TNC: variants seen among roughly 807,000 people sequenced by gnomAD.
TNC encodes the protein tenascin.
A neutral mutation model predicts 202.4 loss-of-function variants in TNC; 109 were observed. That is an observed-to-expected ratio of 0.54 (90% CI 0.46 to 0.63). TNC has a LOEUF of 0.63. Ranked by LOEUF, TNC falls within the 30% of genes least tolerant of loss-of-function variation. The probability of loss-of-function intolerance (pLI) is 0.00; values close to 1 mark genes in which losing one functional copy is unlikely to be tolerated. For synonymous variants in TNC, 1,007 were observed against 1,089.7 expected, an observed-to-expected ratio of 0.92 and a Z score of 1.50; for missense variants, 2,756 against 2,833.3, an observed-to-expected ratio of 0.97 and a Z score of 0.62.
intron 26 of TNC, among the ~76,000 whole-genome samples, chr9:115,025,822 C>T (rs1281300934): frequency 6.6e-6 from 1 of 152,148 alleles, no homozygotes; most frequent in Admixed American, 6.5e-5. Flanking sequence ...TTATGTGGAG[C>T]CAGGAAACCA....
Position 115,082,709 on chromosome 9 carries a change from T to C in TNC, c.2230A>G (p.Ile744Val), listed in dbSNP as rs1834393910. The change falls in exon 5 of 28, where the codon ATC becomes GTC. Residue 744 changes from isoleucine to valine, a missense_variant. Transcript: ENST00000350763. ...CTCCTTACCATATTCCGGAAGATGATCTCCCAGGTTTCAAAAGCAATGTCT... is the reference window on the plus strand; with the variant it reads ...CTCCTTACCATATTCCGGAAGATGACCTCCCAGGTTTCAAAAGCAATGTCT... Reference protein sequence around the residue: ...PLDIAFETWEIIFRNMNKEDE... With the variant: ...PLDIAFETWEVIFRNMNKEDE... 6.2e-7 allele frequency: 1 copy of C among 1,611,586 alleles called. No homozygotes were observed. Among genetic ancestry groups the C allele is most frequent in the Non-Finnish European group, 8.5e-7 (1 of 1,177,782 alleles).
At position 115,042,246 on chromosome 9, in the gene TNC, G is replaced by A. The variant is rs373352186; in HGVS notation, c.5221C>T (p.Arg1741Trp). ...RAPTAQVESF[R>W]ITYVPITGGT... Reference sequence around the variant, plus strand: ...CCTGTAATGGGCACATAGGTAATCCGGAAGCTCTCCACTTGGGCTGTGGGT... The same window carrying A: ...CCTGTAATGGGCACATAGGTAATCCAGAAGCTCTCCACTTGGGCTGTGGGT... The change falls in exon 18 of 28, where the codon CGG becomes TGG. Residue 1741 changes from arginine (R) to tryptophan (W), a missense_variant. By Grantham distance (101) the Arg-to-Trp change is moderately radical. This residue lies in a region of TNC where 2,559 missense variants were observed against 2,546.0 expected (regional missense o/e 1.01). Coordinates refer to ENST00000350763, the MANE Select transcript of TNC (RefSeq NM_002160.4). 4.3e-5 allele frequency: 69 copies of A among 1,613,886 alleles called. No individual in the cohort carries two copies. The highest frequency in any genetic ancestry group is 5.3e-5 in the African/African-American group (4 of 74,878).
chr9:115,089,947 T>C (rs1369810169), intron 2 of TNC, among the ~76,000 whole-genome samples: 1 of 152,252 alleles, frequency 6.6e-6, no homozygotes, highest in Non-Finnish European at 1.5e-5. Context: ...TTAAATGAGA[T>C]AATACAACAG....
intron 1 of TNC, among the ~76,000 whole-genome samples, chr9:115,091,890 A>C (rs973292989): frequency 1.3e-5 from 2 of 152,246 alleles, no homozygotes; most frequent in African/African-American, 4.8e-5. Flanking sequence ...AGAGCCTGAC[A>C]GAATATTCTT....
chr9:115,054,218 T>C (rs1245769484), intron 15 of TNC, among the ~76,000 whole-genome samples: 1 of 152,176 alleles, frequency 6.6e-6, no homozygotes, highest in African/African-American at 2.4e-5. Context: ...AAGGGGCTCA[T>C]TTGGATAAAC....
Position 115,086,639 on chromosome 9 carries a change from A to G in TNC, c.1092T>C (p.Asp364=). 2 of 1,614,142 alleles carry G rather than the reference A, an allele frequency of 1.2e-6. No homozygotes were observed. Among genetic ancestry groups the G allele is most frequent in the Non-Finnish European group, 1.7e-6 (2 of 1,180,030 alleles). ...TGCAGTCCACACCGGCAAAGCCCTCATCACATACACACTGCCCCTCCTCAC... is the reference window on the plus strand; with the variant it reads ...TGCAGTCCACACCGGCAAAGCCCTCGTCACATACACACTGCCCCTCCTCAC... ...GRCEEGQCVC[D]EGFAGVDCSE... The change falls in exon 3 of 28, where the codon GAT becomes GAC. Residue 364 remains aspartate (D), a synonymous_variant. Transcript: ENST00000350763.
chr9:115,072,465 T>C (rs1833536203), intron 10 of TNC, among the ~76,000 whole-genome samples: 1 of 152,260 alleles, frequency 6.6e-6, no homozygotes, highest in Admixed American at 6.5e-5. Context: ...GATTTGAGAC[T>C]GAAGATATTG....
chr9:115,112,788 T>TAACTGTA (rs1837179318), intron 1 of TNC: 1 of 152,424 alleles, frequency 6.6e-6, no homozygotes, highest in Non-Finnish European at 1.5e-5. Context: ...ATTCTTGACC[T>TAACTGTA]CAGTGGTGTA....
At chr9:115,067,348 T>C (rs1421231314) in intron 10 of TNC, among the ~76,000 whole-genome samples, 1 of 110,492 alleles carries the variant, frequency 9.1e-6, no homozygotes, top group Non-Finnish European at 1.8e-5. Context: ...TTTCCTGTTT[T>C]TGTTTCTCTG....
rs370380158 is a variant in TNC, at chr9:115,090,951, C to A, written c.68G>T (p.Gly23Val). The A allele has an allele frequency of 3.7e-6, 6 of 1,614,036 alleles. No homozygotes were observed. The African/African-American group carries it at 8.0e-5, about 22-fold the overall frequency. ...GTGCCGGATGACTTTCTTGAGGACCCCACCTTCGGTAGCGAGGGCAAGGAA... is the reference window on the plus strand; with the variant it reads ...GTGCCGGATGACTTTCTTGAGGACCACACCTTCGGTAGCGAGGGCAAGGAA... ...LAFLALATEG[G>V]VLKKVIRHKR... The change falls in exon 2 of 28, where the codon GGG (glycine) becomes GTG (valine). Residue 23 changes from glycine to valine, a missense_variant. This residue lies in a region of TNC where 2,559 missense variants were observed against 2,546.0 expected (regional missense o/e 1.01). Transcript: ENST00000350763.
chr9:115,093,213 TTAAC>T (rs1268043132), intron 1 of TNC, among the ~76,000 whole-genome samples: 1 of 152,122 alleles, frequency 6.6e-6, no homozygotes, highest in African/African-American at 2.4e-5. Flanking sequence ...ACTAGTGAAT[TTAAC>T]TAAGAAGGTC....
At chr9:115,028,924 G>GAAAAAAAAAAAAAA (rs57737243) in intron 25 of TNC, among the ~76,000 whole-genome samples, 2 of 63,964 alleles carry the variant, frequency 3.1e-5, no homozygotes, top group African/African-American at 1.3e-4. Flanking sequence ...CATTATCTCT[G>GAAAAAAAAAAAAAA]AAAAAAAAAA....
chr9:115,047,420 A>G (rs994993421), intron 16 of TNC, among the ~76,000 whole-genome samples: 1 of 152,084 alleles, frequency 6.6e-6, no homozygotes, highest in African/African-American at 2.4e-5. Context: ...GAGTTTCCCA[A>G]AGTGTGCTCA....
Position 115,059,934 on chromosome 9 carries a change from T to C in TNC, c.4102A>G (p.Thr1368Ala), listed in dbSNP as rs1040160691. The C allele has an allele frequency of 1.2e-6, 2 of 1,613,954 alleles. No homozygotes were observed. Among genetic ancestry groups the C allele is most frequent in the Non-Finnish European group, 1.7e-6 (2 of 1,179,988 alleles). Reference sequence around the variant, plus strand: ...TGCTCATAGGCATTGTCAGCTGCGGTCCAGTTGAGTCTGAGGCCATCCCAG... The same window carrying C: ...TGCTCATAGGCATTGTCAGCTGCGGCCCAGTTGAGTCTGAGGCCATCCCAG... Reference protein sequence around the residue: ...VGWDGLRLNWTAADNAYEHFV... With the variant: ...VGWDGLRLNWAAADNAYEHFV... The change falls in exon 14 of 28, where the codon ACC (threonine) becomes GCC (alanine). Residue 1368 changes from threonine (T) to alanine (A), a missense_variant. Thr to Ala is a moderately conservative substitution (Grantham distance 58, BLOSUM62 0). Coordinates refer to ENST00000350763, the MANE Select transcript of TNC (RefSeq NM_002160.4).
chr9:115,094,276 G>T (rs552075560), intron 1 of TNC, among the ~76,000 whole-genome samples: 1 of 152,218 alleles, frequency 6.6e-6, no homozygotes, highest in East Asian at 1.9e-4. Context: ...GAGCTTGACC[G>T]CCTAGTTGAA....
rs755081643 is a variant in TNC, at chr9:115,029,382, G to T, written c.6147C>A (p.Asp2049Glu). ...TACCAAGCCAGAATTCTTCTCTGCG[G>T]TCCCCAAATCCAGCAGCATATGCCT... is the stretch of plus-strand genomic sequence containing the variant. ...NWKAYAAGFG[D>E]RREEFWLGLD... The change falls in exon 25 of 28, where the codon GAC becomes GAA. Residue 2049 changes from aspartate to glutamate, a missense_variant. Around this residue, in one of 2 missense-constraint regions of TNC, gnomAD observed 197 missense variants for 287.3 expected, o/e 0.69. Transcript: ENST00000350763. 10 of 1,614,092 alleles carry T rather than the reference G, an allele frequency of 6.2e-6. No homozygotes were observed. The highest frequency in any genetic ancestry group is 7.6e-6 in the Non-Finnish European group (9 of 1,179,996).
In TNC at chr9:115,046,591, G is replaced by A. The variant is rs775973334; in HGVS notation, c.4944C>T (p.Asp1648=). 2.0e-5 allele frequency: 32 copies of A among 1,613,940 alleles called. No homozygotes were observed. The Admixed American group carries it at 4.3e-4, about 22-fold the overall frequency. ...LSWTADEGVF[D]NFVLKIRDTK... is the part of the protein sequence containing the mutation. Reference sequence around the variant, plus strand: ...TATCTCTGATTTTGAGAACAAAATTGTCGAAGACCCCTTCATCAGCTGTCC... The same window carrying A: ...TATCTCTGATTTTGAGAACAAAATTATCGAAGACCCCTTCATCAGCTGTCC... Residue 1648 remains aspartate (D), a synonymous_variant, in exon 17 of 28, where the codon GAC becomes GAT. Coordinates refer to ENST00000350763, the MANE Select transcript of TNC (RefSeq NM_002160.4).
chr9:115,076,541 G>A lies in TNC; in HGVS notation c.2709C>T (p.Ser903=). Residue 903 remains serine (S), a synonymous_variant, in exon 8 of 28, where the codon TCC becomes TCT. Coordinates refer to ENST00000350763, the MANE Select transcript of TNC (RefSeq NM_002160.4). ...LDAPRNLRRV[S]QTDNSITLEW... ...CCAGGGTGATGCTGTTATCTGTCTGGGAAACACGTCGAAGATTCCTGGGAG... is the reference window on the plus strand; with the variant it reads ...CCAGGGTGATGCTGTTATCTGTCTGAGAAACACGTCGAAGATTCCTGGGAG... The A allele has an allele frequency of 6.2e-7, 1 of 1,614,184 alleles. No individual in the cohort carries two copies.
Position 115,073,646 on chromosome 9 carries a change from T to C in TNC, c.3171A>G (p.Lys1057=), listed in dbSNP as rs149401531. ...QEYNVLLTAE[K]GRHKSKPARV... The stretch of plus-strand genomic sequence containing the variant: ...GTGCGGGCTTGCTCTTGTGTCTGCC[T>C]TTCTCGGCTGTCAGGAGGACATTGT... The change falls in exon 10 of 28, where the codon AAA becomes AAG. Residue 1057 remains lysine, a synonymous_variant. Coordinates refer to ENST00000350763, the MANE Select transcript of TNC (RefSeq NM_002160.4). 6.2e-7 allele frequency: 1 copy of C among 1,614,182 alleles called. No homozygotes were observed. The highest frequency in any genetic ancestry group is 8.5e-7 in the Non-Finnish European group (1 of 1,180,018).
Sources: gnomAD v4.1 joint callset for allele counts (sites outside exome capture counted in the v4.1 genomes callset) on GRCh38, gnomAD v4.1.1 for gene constraint, gnomAD v4.1.1 regional missense constraint, MANE v1.5 for transcripts, NCBI Gene and HGNC (gene_info 2026-07-23, HGNC 2026-07-21) for gene names.